The following ARMH3 variants were observed in gnomAD, a reference collection of about 807,000 sequenced individuals.
ARMH3 encodes armadillo-like helical domain-containing protein 3.
In ARMH3, 60 loss-of-function variants were observed where a neutral mutation model predicts 99.1. The ratio of observed to expected loss-of-function variants is 0.61; its 90% confidence interval spans 0.49 to 0.75. The LOEUF is 0.75. Among genes scored for constraint, ARMH3 ranks in the 30% least tolerant of loss-of-function variants. The pLI, the probability that ARMH3 is intolerant of heterozygous loss-of-function variation, is 0.00. For missense variants in ARMH3, 679 were observed against 843.1 expected, an observed-to-expected ratio of 0.81 and a Z score of 2.41; for synonymous variants, 285 against 292.8, an observed-to-expected ratio of 0.97 and a Z score of 0.27.
At chr10:101,954,450 T>C (rs1482042049) in intron 22 of ARMH3, among the ~76,000 whole-genome samples, 1 of 152,234 alleles carries the variant, frequency 6.6e-6, no homozygotes, top group African/African-American at 2.4e-5. Context: ...GGTTATATCA[T>C]TCCATCTATA....
chr10:101,892,370 G>A (rs1279713496), intron 23 of ARMH3, among the ~76,000 whole-genome samples: 2 of 152,128 alleles, frequency 1.3e-5, no homozygotes, highest in Non-Finnish European at 2.9e-5. Context: ...GAAGTGGGAG[G>A]ATCACTTGAG....
chr10:101,976,168 C>CA (rs780547260), intron 19 of ARMH3, among the ~76,000 whole-genome samples: 5,364 of 23,114 alleles, frequency 0.23, 1,155 homozygotes, highest in East Asian at 0.55. Flanking sequence ...GACTCTGTCT[C>CA]AAAAAAAAAA....
At chr10:101,861,045 T>C (rs187316505) in intron 24 of ARMH3, among the ~76,000 whole-genome samples, 6 of 151,980 alleles carry the variant, frequency 3.9e-5, no homozygotes, top group African/African-American at 1.4e-4. Context: ...TCAATAGAAA[T>C]AGACCCAGAA....
At chr10:102,034,504 T>C (rs1443643310) in intron 2 of ARMH3, among the ~76,000 whole-genome samples, 1 of 151,414 alleles carries the variant, frequency 6.6e-6, no homozygotes, top group Non-Finnish European at 1.5e-5. Flanking sequence ...GGCGTGGTGG[T>C]GGGCACCTGT....
At chr10:102,041,104 T>TATATATAATATATATATATATATA (rs1438519391) in intron 1 of ARMH3, among the ~76,000 whole-genome samples, 1 of 146,596 alleles carries the variant, frequency 6.8e-6, no homozygotes, top group Non-Finnish European at 1.5e-5. Flanking sequence ...TATATATATA[T>TATATATAATATATATATATATATA]ATATATATGT....
At chr10:101,974,969 A>G (rs994958466) in intron 20 of ARMH3, among the ~76,000 whole-genome samples, 2 of 147,890 alleles carry the variant, frequency 1.4e-5, no homozygotes, top group Non-Finnish European at 3.0e-5. Flanking sequence ...CAAAAAATAT[A>G]GGAAGGGGAA....
At chr10:101,933,519 A>G (rs1182259095) in intron 23 of ARMH3, among the ~76,000 whole-genome samples, 1 of 152,204 alleles carries the variant, frequency 6.6e-6, no homozygotes, top group Non-Finnish European at 1.5e-5. Flanking sequence ...GGGATTCAGT[A>G]TTTGGTTTTT....
chr10:101,933,981 C>T (rs1843837173), intron 23 of ARMH3, among the ~76,000 whole-genome samples: 1 of 152,194 alleles, frequency 6.6e-6, no homozygotes, highest in African/African-American at 2.4e-5. Flanking sequence ...AGCAATGCAG[C>T]AAAGATTTCA....
intron 24 of ARMH3, among the ~76,000 whole-genome samples, chr10:101,853,619 G>GC (rs2066660386): frequency 6.6e-6 from 1 of 152,106 alleles, no homozygotes; most frequent in Non-Finnish European, 1.5e-5. Context: ...AACAGTCTAC[G>GC]CCCCCGCAAG....
chr10:101,993,286 G>A (rs79210346), intron 17 of ARMH3, among the ~76,000 whole-genome samples: 814 of 128,936 alleles, frequency 6.3e-3, no homozygotes, highest in Middle Eastern at 0.023. Flanking sequence ...CTCAAAAAAA[G>A]AAAAAAAAAA....
chr10:102,013,683 T>G (rs1270715610), intron 9 of ARMH3, among the ~76,000 whole-genome samples: 2 of 152,224 alleles, frequency 1.3e-5, no homozygotes, highest in African/African-American at 4.8e-5. Flanking sequence ...GTGTAATTTA[T>G]TGACATCGTA....
chr10:101,919,175 A>C (rs1843204071), intron 23 of ARMH3, among the ~76,000 whole-genome samples: 1 of 152,166 alleles, frequency 6.6e-6, no homozygotes, highest in African/African-American at 2.4e-5. Context: ...AGTGAGATTT[A>C]ACTCAAAGAA....
intron 4 of ARMH3, among the ~76,000 whole-genome samples, chr10:102,029,948 G>T (rs1381444672): frequency 6.6e-6 from 1 of 151,352 alleles, no homozygotes; most frequent in African/African-American, 2.4e-5. Context: ...TTGAGACAAG[G>T]TCTCGCTCTT....
intron 23 of ARMH3, among the ~76,000 whole-genome samples, chr10:101,939,588 A>G (rs1844144130): frequency 6.6e-6 from 1 of 152,222 alleles, no homozygotes; most frequent in African/African-American, 2.4e-5. Context: ...ATACATAGAG[A>G]ACACTCTGGC....
chr10:102,030,506 C>T (rs767447779), intron 4 of ARMH3, among the ~76,000 whole-genome samples: 11 of 151,986 alleles, frequency 7.2e-5, no homozygotes, highest in Non-Finnish European at 1.5e-4. Context: ...GTCAGGAGTT[C>T]GAGACCAGCT....
In ARMH3 at chr10:102,033,034, C is replaced by G; in HGVS notation, c.298G>C (p.Ala100Pro). 6.2e-7 allele frequency: 1 copy of G among 1,614,016 alleles called. No individual in the cohort carries two copies. The highest frequency in any genetic ancestry group is 8.5e-7 in the Non-Finnish European group (1 of 1,179,942). Residue 100 changes from alanine (A) to proline (P), a missense_variant, in exon 4 of 26, where the codon GCA becomes CCA. Physicochemically the swap from Ala to Pro is conservative, Grantham distance 27. Coordinates refer to ENST00000370033, the MANE Select transcript of ARMH3 (RefSeq NM_024541.3). The part of the protein sequence containing the change: ...GEEHPIRVVN[A>P]LQTLCALIRG... ...GTCTCCCAGCCTTGTACCTGCAATG[C>G]ATTGACAACCCGAATTGGATGCTCC...
At chr10:101,911,331 G>T (rs1842855736) in intron 23 of ARMH3, among the ~76,000 whole-genome samples, 1 of 152,186 alleles carries the variant, frequency 6.6e-6, no homozygotes, top group African/African-American at 2.4e-5. Flanking sequence ...AGAAGTGAGG[G>T]TTCTGTGAAG....
intron 23 of ARMH3, among the ~76,000 whole-genome samples, chr10:101,930,865 A>G (rs1259133811): frequency 6.6e-6 from 1 of 152,240 alleles, no homozygotes; most frequent in Admixed American, 6.5e-5. Context: ...ATAGCACTGA[A>G]TATGTGCCAG....
chr10:101,943,166 G>T (rs901315539), intron 22 of ARMH3, among the ~76,000 whole-genome samples: 2 of 152,222 alleles, frequency 1.3e-5, no homozygotes, highest in South Asian at 2.1e-4. Context: ...GACATCTAGA[G>T]GATGTGGGGC....
Sources: allele counts gnomAD v4.1 joint callset (sites outside exome capture counted in the v4.1 genomes callset), GRCh38; gene constraint gnomAD v4.1.1; transcripts MANE v1.5; gene names NCBI Gene and HGNC (gene_info 2026-07-23, HGNC 2026-07-21).